Variants in NEO1 observed in about 807,000 individuals in gnomAD.
The protein encoded by NEO1 is neogenin.
Under a neutral mutation model 159.7 loss-of-function variants are expected in NEO1, and 63 were observed. That is an observed-to-expected ratio of 0.39 (90% CI 0.32 to 0.49). The LOEUF (loss-of-function observed/expected upper bound fraction) is 0.49, where lower values mean the gene tolerates loss of function less well. Ranked by LOEUF, NEO1 falls within the 20% of genes least tolerant of loss-of-function variation. The pLI is 0.85. For synonymous variants in NEO1, 633 were observed against 662.0 expected, an observed-to-expected ratio of 0.96 and a Z score of 0.67; for missense variants, 1,615 against 1,831.0, an observed-to-expected ratio of 0.88 and a Z score of 2.15.
At chr15:73,184,789 G>C (rs952233646) in intron 7 of NEO1, among the ~76,000 whole-genome samples, 1 of 152,172 alleles carries the variant, frequency 6.6e-6, no homozygotes, top group East Asian at 1.9e-4. Context: ...TTAGCTGGGC[G>C]TAGTGGTGCA....
Position 73,052,819 on chromosome 15 carries a change from G to GCGGGCC in NEO1, c.130+19_130+24dup, listed in dbSNP as rs1215681598. The GCGGGCC allele has an allele frequency of 3.7e-6, 3 of 815,622 alleles. No homozygotes were observed. The highest frequency in any genetic ancestry group is 4.5e-6 in the Non-Finnish European group (3 of 661,102). 50.5% of individuals were successfully genotyped at this position (815,622 alleles called of 1,614,324 possible). ...CGCAGTCCCCAGGTAAGCGGCGGGCGCGGGCCCGGGGGTTCGCGGGGGCGC... is the reference window on the plus strand; with the variant it reads ...CGCAGTCCCCAGGTAAGCGGCGGGCGCGGGCCCGGGCCCGGGGGTTCGCGGGGGCGC... On this transcript the variant is annotated intron_variant, in intron 1 of 28. Coordinates refer to ENST00000261908, the MANE Select transcript of NEO1 (RefSeq NM_002499.4).
chr15:73,114,362 G>A (rs182853011), intron 1 of NEO1, among the ~76,000 whole-genome samples: 44 of 152,282 alleles, frequency 2.9e-4, no homozygotes, highest in Middle Eastern at 3.4e-3. Context: ...GCAACGGCAA[G>A]CCTTTGAGGG....
chr15:73,060,253 G>T (rs1397885845), intron 1 of NEO1, among the ~76,000 whole-genome samples: 5 of 151,600 alleles, frequency 3.3e-5, no homozygotes, highest in African/African-American at 9.7e-5. Flanking sequence ...AACTAGTTTT[G>T]TTTGTTTGTT....
intron 1 of NEO1, among the ~76,000 whole-genome samples, chr15:73,095,346 G>A (rs1049097628): frequency 1.3e-5 from 2 of 152,024 alleles, no homozygotes; most frequent in Non-Finnish European, 2.9e-5. Flanking sequence ...AGGAGAATTT[G>A]CGACAGCAAC....
At chr15:73,219,948 G>T (rs2038137886) in intron 7 of NEO1, among the ~76,000 whole-genome samples, 1 of 151,844 alleles carries the variant, frequency 6.6e-6, no homozygotes, top group Admixed American at 6.6e-5. Context: ...TGTTATGTGT[G>T]AATTTGATCC....
At chr15:73,192,858 A>G (rs1293206305) in intron 7 of NEO1, among the ~76,000 whole-genome samples, 2 of 152,064 alleles carry the variant, frequency 1.3e-5, no homozygotes, top group African/African-American at 4.8e-5. Flanking sequence ...TGGGATTGGA[A>G]AAACCTGAAG....
At chr15:73,096,105 C>T (rs573678828) in intron 1 of NEO1, among the ~76,000 whole-genome samples, 1 of 152,278 alleles carries the variant, frequency 6.6e-6, no homozygotes, top group East Asian at 1.9e-4. Flanking sequence ...AGGGACAAAA[C>T]AGCGTTGAAG....
chr15:73,157,620 CCTT>C (rs1441250410), intron 5 of NEO1, among the ~76,000 whole-genome samples: 3 of 152,210 alleles, frequency 2.0e-5, no homozygotes, highest in Admixed American at 6.5e-5. Flanking sequence ...TACCTGTTTT[CCTT>C]CTTCTCAGAT....
chr15:73,247,178 T>A (rs2039839040), intron 9 of NEO1, among the ~76,000 whole-genome samples: 1 of 152,152 alleles, frequency 6.6e-6, no homozygotes, highest in African/African-American at 2.4e-5. Flanking sequence ...AGAGAAGCAG[T>A]TTCTGAAGAG....
intron 16 of NEO1, among the ~76,000 whole-genome samples, chr15:73,269,560 A>G (rs930796765): frequency 1.3e-5 from 2 of 152,124 alleles, no homozygotes; most frequent in Non-Finnish European, 2.9e-5. Context: ...AGGTTTCACC[A>G]TATTGGCTAG....
At chr15:73,173,560 ATGT>A (rs758344385) in intron 5 of NEO1, among the ~76,000 whole-genome samples, 2 of 152,206 alleles carry the variant, frequency 1.3e-5, no homozygotes, top group Non-Finnish European at 1.5e-5. Flanking sequence ...ATACAAGTGA[ATGT>A]TGTTATAGTA....
chr15:73,057,343 A>G (rs1357184756), intron 1 of NEO1, among the ~76,000 whole-genome samples: 1 of 152,084 alleles, frequency 6.6e-6, no homozygotes, highest in African/African-American at 2.4e-5. Flanking sequence ...AATAAATCTC[A>G]TTATATGGAG....
intron 1 of NEO1, among the ~76,000 whole-genome samples, chr15:73,097,451 C>T (rs7164894): frequency 0.53 from 78,624 of 149,430 alleles, 21,062 homozygotes; most frequent in Middle Eastern, 0.6. Flanking sequence ...ACCTCTGCCT[C>T]CCAGGTTCAA....
At chr15:73,077,052 T>C (rs370231274) in intron 1 of NEO1, among the ~76,000 whole-genome samples, 1 of 152,132 alleles carries the variant, frequency 6.6e-6, no homozygotes, top group African/African-American at 2.4e-5. Flanking sequence ...TTAATTAATT[T>C]ATTTATTTTG....
chr15:73,251,349 T>TAAA (rs999182505), intron 11 of NEO1, among the ~76,000 whole-genome samples: 6 of 151,366 alleles, frequency 4.0e-5, no homozygotes, highest in Admixed American at 2.6e-4. Context: ...CATCTCTACT[T>TAAA]AAAAAATAAT....
At chr15:73,073,437 GGT>G (rs373918426) in intron 1 of NEO1, among the ~76,000 whole-genome samples, 2 of 151,670 alleles carry the variant, frequency 1.3e-5, no homozygotes, top group Non-Finnish European at 2.9e-5. Context: ...TCATGAGTTG[GGT>G]GTGTGTGTGT....
chr15:73,221,885 G>GT (rs1470665811), intron 7 of NEO1: 1 of 154,298 alleles, frequency 6.5e-6, no homozygotes, highest in Non-Finnish European at 1.4e-5. Flanking sequence ...CGCTTCCTGA[G>GT]TGAGGCAATG....
intron 8 of NEO1, among the ~76,000 whole-genome samples, chr15:73,244,049 C>T (rs764910955): frequency 9.9e-5 from 15 of 152,098 alleles, no homozygotes; most frequent in Admixed American, 3.3e-4. Flanking sequence ...GACTAGCTGC[C>T]CCATTTGAAA....
At chr15:73,290,333 C>T (rs529147448) in intron 25 of NEO1, among the ~76,000 whole-genome samples, 6 of 147,520 alleles carry the variant, frequency 4.1e-5, no homozygotes, top group African/African-American at 5.0e-5. Context: ...CTCCACCTCC[C>T]GGGTTCAAGC....
Sources: allele counts gnomAD v4.1 joint callset (sites outside exome capture counted in the v4.1 genomes callset), GRCh38; gene constraint gnomAD v4.1.1; transcripts MANE v1.5; gene names NCBI Gene and HGNC (gene_info 2026-07-23, HGNC 2026-07-21).